RGS8: variants seen among roughly 807,000 people sequenced by gnomAD.
RGS8 encodes the protein regulator of G-protein signaling 8.
A neutral mutation model predicts 21.7 loss-of-function variants in RGS8; 8 were observed. The observed-to-expected ratio is 0.37, with a 90% CI of 0.22 to 0.66. The LOEUF is 0.66. Among genes scored for constraint, RGS8 ranks in the 30% least tolerant of loss-of-function variants. The pLI is 0.59. For synonymous variants in RGS8, 80 were observed against 83.6 expected (o/e 0.96, Z 0.24); for missense variants, 157 against 217.9 (o/e 0.72, Z 1.76).
chr1:182,747,191 T>C, the RGS8 span, among the ~76,000 whole-genome samples: 1 of 151,320 alleles, frequency 6.6e-6, no homozygotes, highest in Non-Finnish European at 1.5e-5. Flanking sequence ...TGAGCCACCA[T>C]TCCTGGCCCT....
the RGS8 span, among the ~76,000 whole-genome samples, chr1:182,692,716 A>C: frequency 5.3e-5 from 8 of 150,196 alleles, no homozygotes; most frequent in Admixed American, 1.3e-4. Context: ...GTATCACACT[A>C]CCCAACTTCA....
At position 182,684,012 on chromosome 1, in the gene RGS8, A is replaced by AAGGG. The variant is rs1437764963; in HGVS notation, n.221+340_221+343dup. 6.6e-6 allele frequency among the ~76,000 whole-genome samples: 1 copy of AAGGG among 152,222 alleles called. No homozygotes were observed. The highest frequency in any genetic ancestry group is 2.4e-5 in the African/African-American group (1 of 41,462). On this transcript the variant is annotated intron_variant and non_coding_transcript_variant, in intron 1 of 4. Transcript: ENST00000515211. The surrounding 1 kb of genome is among the most constrained non-coding windows in gnomAD (Gnocchi z 4.2). Reference sequence around the variant, plus strand: ...ACCTACAATATTTTCAGAGCCCCCTAAGGGAGCTGAGGGAAGAAACAGGAT... The same window carrying AAGGG: ...ACCTACAATATTTTCAGAGCCCCCTAAGGGAGGGAGCTGAGGGAAGAAACAGGAT...
intron 5 of RGS8, among the ~76,000 whole-genome samples, chr1:182,650,857 A>G (rs1662979119): frequency 1.3e-5 from 2 of 152,206 alleles, no homozygotes; most frequent in African/African-American, 4.8e-5. Flanking sequence ...GACAATAATT[A>G]TAAACCATGA....
At chr1:182,686,243 T>G (rs1426990797), upstream of RGS8, among the ~76,000 whole-genome samples, 1 of 152,140 alleles carries the variant, frequency 6.6e-6, no homozygotes, top group African/African-American at 2.4e-5. Context: ...GATGCCACAG[T>G]GGTGAATGCA....
At chr1:182,667,768 C>T (rs1472154917) in intron 3 of RGS8, among the ~76,000 whole-genome samples, 1 of 151,978 alleles carries the variant, frequency 6.6e-6, no homozygotes, top group Non-Finnish European at 1.5e-5. Flanking sequence ...TATAACAGAT[C>T]CAGTGAGAAG....
At chr1:182,741,798 A>G in the RGS8 span, among the ~76,000 whole-genome samples, 1 of 94,086 alleles carries the variant, frequency 1.1e-5, no homozygotes, top group African/African-American at 3.8e-5. Flanking sequence ...GGCCGCGCAG[A>G]GGGGCTCCTC....
At chr1:182,686,814 G>A (rs1176891718), upstream of RGS8, among the ~76,000 whole-genome samples, 3 of 152,114 alleles carry the variant, frequency 2.0e-5, no homozygotes, top group African/African-American at 7.2e-5. Flanking sequence ...CAAGAGAAGA[G>A]GGGCTGAGGG....
At chr1:182,720,943 A>G in the RGS8 span, among the ~76,000 whole-genome samples, 1 of 129,486 alleles carries the variant, frequency 7.7e-6, no homozygotes, top group Non-Finnish European at 1.6e-5. Context: ...ATACATATAT[A>G]TACATATATA....
At chr1:182,707,475 T>C in the RGS8 span, among the ~76,000 whole-genome samples, 1 of 152,178 alleles carries the variant, frequency 6.6e-6, no homozygotes, top group Non-Finnish European at 1.5e-5. Context: ...AATTTTATTT[T>C]AATATTTGTC....
intron 5 of RGS8, among the ~76,000 whole-genome samples, chr1:182,656,080 T>C (rs1433324022): frequency 6.6e-6 from 1 of 152,220 alleles, no homozygotes; most frequent in Non-Finnish European, 1.5e-5. Flanking sequence ...AAGTGCCTAA[T>C]AGTTCATTAT....
upstream of RGS8, among the ~76,000 whole-genome samples, chr1:182,685,978 T>C (rs1242835996): frequency 6.6e-6 from 1 of 152,106 alleles, no homozygotes; most frequent in Non-Finnish European, 1.5e-5. Flanking sequence ...GCGGAAATGC[T>C]GGGGGAGCAC....
At chr1:182,732,960 T>C in the RGS8 span, among the ~76,000 whole-genome samples, 7 of 152,198 alleles carry the variant, frequency 4.6e-5, no homozygotes, top group African/African-American at 1.7e-4. Flanking sequence ...CACAGCTTAA[T>C]GCAACCAAGT....
chr1:182,661,435 C>T (rs1048451759), intron 5 of RGS8, among the ~76,000 whole-genome samples: 1 of 151,940 alleles, frequency 6.6e-6, no homozygotes, highest in South Asian at 2.1e-4. Flanking sequence ...GGTGAGGGAA[C>T]CCTGCCTTCA....
intron 5 of RGS8, among the ~76,000 whole-genome samples, chr1:182,664,315 TACCTTTAAGTAGAGA>T (rs1248500260): frequency 6.6e-6 from 1 of 152,138 alleles, no homozygotes; most frequent in Non-Finnish European, 1.5e-5. Context: ...CCTTACAAAA[TACCTTTAAGTAGAGA>T]ACCTTTAAGT....
At chr1:182,751,468 G>A in the RGS8 span, among the ~76,000 whole-genome samples, 12 of 152,098 alleles carry the variant, frequency 7.9e-5, no homozygotes, top group African/African-American at 2.7e-4. Context: ...GCGTGCCTAC[G>A]TACAAATCAG....
At chr1:182,646,875 G>A (rs1662726820) in exon 7 of RGS8, 5 of 1,614,162 alleles carry the variant, frequency 3.1e-6, no homozygotes, top group East Asian at 2.2e-5. Context: ...GGCTCCTGCA[G>A]GTTCTTCCTC....
At chr1:182,740,340 C>T in the RGS8 span, among the ~76,000 whole-genome samples, 1 of 152,210 alleles carries the variant, frequency 6.6e-6, no homozygotes, top group African/African-American at 2.4e-5. Context: ...CTAATATTTA[C>T]TGATACTTAT....
chr1:182,645,952 C>T (rs568070300), downstream of RGS8: 19 of 152,310 alleles, frequency 1.2e-4, no homozygotes, highest in Middle Eastern at 3.4e-3. Context: ...TACTTGCCCT[C>T]GTCTCTTGAC....
At chr1:182,670,543 G>A (rs944882378) in intron 2 of RGS8, among the ~76,000 whole-genome samples, 9 of 152,262 alleles carry the variant, frequency 5.9e-5, no homozygotes, top group Admixed American at 2.6e-4. Context: ...GAAGAAACAC[G>A]TGAGGAGAGC....
Sources: allele counts gnomAD v4.1 joint callset (sites outside exome capture counted in the v4.1 genomes callset), GRCh38; gene constraint gnomAD v4.1.1; non-coding constraint Gnocchi (gnomAD v3.1); transcripts MANE v1.5; gene names NCBI Gene and HGNC (gene_info 2026-07-23, HGNC 2026-07-21).